CDH18: variants seen among roughly 807,000 people sequenced by gnomAD.
CDH18 encodes the protein cadherin-18.
Under a neutral mutation model 67.9 loss-of-function variants are expected in CDH18, and 31 were observed. The ratio of observed to expected loss-of-function variants is 0.46; its 90% CI spans 0.34 to 0.62. CDH18 has a LOEUF of 0.62. CDH18 is among the 20% of genes least tolerant of loss of function. The pLI is 0.01. For missense variants in CDH18, 890 were observed against 975.5 expected (o/e 0.91, Z 1.17); for synonymous variants, 362 against 347.2 (o/e 1.04, Z -0.48).
At chr5:20,284,735 T>C (rs539922468) in intron 1 of CDH18, among the ~76,000 whole-genome samples, 2 of 151,942 alleles carry the variant, frequency 1.3e-5, no homozygotes, top group Non-Finnish European at 2.9e-5. Context: ...TTAAAACTAA[T>C]ATTTTAAACC....
At chr5:19,567,834 C>G (rs1240860287) in intron 8 of CDH18, among the ~76,000 whole-genome samples, 3 of 152,020 alleles carry the variant, frequency 2.0e-5, no homozygotes, top group African/African-American at 7.2e-5. Flanking sequence ...CTTTGCATCC[C>G]AACAACCAGG....
intron 2 of CDH18, among the ~76,000 whole-genome samples, chr5:19,917,998 T>C (rs1251653859): frequency 6.6e-6 from 1 of 152,178 alleles, no homozygotes; most frequent in Non-Finnish European, 1.5e-5. Flanking sequence ...GTAACCTCTG[T>C]CTTCAGGAAC....
chr5:19,546,419 G>C (rs1200133271), intron 8 of CDH18, among the ~76,000 whole-genome samples: 1 of 152,046 alleles, frequency 6.6e-6, no homozygotes, highest in African/African-American at 2.4e-5. Context: ...TTGAAAAAGG[G>C]GACTATCAAA....
intron 12 of CDH18, among the ~76,000 whole-genome samples, chr5:19,482,208 C>G (rs1045687413): frequency 3.9e-5 from 6 of 152,122 alleles, no homozygotes; most frequent in Non-Finnish European, 7.4e-5. Context: ...CTCCGCCTCC[C>G]AGGTTCATGC....
At chr5:19,538,582 C>T (rs906896056) in intron 9 of CDH18, among the ~76,000 whole-genome samples, 3 of 152,038 alleles carry the variant, frequency 2.0e-5, no homozygotes, top group Non-Finnish European at 2.9e-5. Flanking sequence ...ACAAAATAAA[C>T]GTTAGTGAGC....
At chr5:20,106,373 C>A (rs1208219152) in intron 2 of CDH18, among the ~76,000 whole-genome samples, 1 of 152,316 alleles carries the variant, frequency 6.6e-6, no homozygotes, top group South Asian at 2.1e-4. Context: ...TAAATAATCA[C>A]TTCACTGATT....
chr5:20,555,974 A>T (rs1757883586), intron 1 of CDH18, among the ~76,000 whole-genome samples: 1 of 152,148 alleles, frequency 6.6e-6, no homozygotes, highest in Non-Finnish European at 1.5e-5. Flanking sequence ...TGCATAGAGT[A>T]CTAGCATTCA....
chr5:19,760,421 AG>A (rs1306848119), intron 3 of CDH18, among the ~76,000 whole-genome samples: 3 of 152,100 alleles, frequency 2.0e-5, no homozygotes, highest in African/African-American at 7.2e-5. Context: ...CTCTACAACC[AG>A]GAAAGATCAG....
intron 1 of CDH18, among the ~76,000 whole-genome samples, chr5:20,551,571 T>A (rs1009323330): frequency 2.9e-5 from 4 of 138,826 alleles, no homozygotes; most frequent in Non-Finnish European, 6.5e-5. Flanking sequence ...CTGATCTCTG[T>A]TAATCAATTG....
intron 2 of CDH18, among the ~76,000 whole-genome samples, chr5:20,156,744 G>A (rs1186988270): frequency 6.6e-6 from 1 of 152,120 alleles, no homozygotes; most frequent in Non-Finnish European, 1.5e-5. Flanking sequence ...GAGGGAGGAA[G>A]TACCACCAGA....
At chr5:19,691,112 G>A (rs576206044) in intron 5 of CDH18, among the ~76,000 whole-genome samples, 8 of 151,748 alleles carry the variant, frequency 5.3e-5, no homozygotes, top group Non-Finnish European at 1.0e-4. Flanking sequence ...TGCAAGCACC[G>A]ATTGTTTAAC....
chr5:20,496,601 A>G (rs556169021), intron 1 of CDH18, among the ~76,000 whole-genome samples: 2 of 152,176 alleles, frequency 1.3e-5, no homozygotes, highest in South Asian at 2.1e-4. Context: ...TAATGAGGAA[A>G]CAATGTGGGA....
chr5:20,344,864 G>A (rs750946533), intron 1 of CDH18, among the ~76,000 whole-genome samples: 2 of 152,068 alleles, frequency 1.3e-5, no homozygotes, highest in Non-Finnish European at 2.9e-5. Context: ...AACATATGGG[G>A]CCTATTGACA....
chr5:20,510,601 G>T (rs1396481452), intron 1 of CDH18, among the ~76,000 whole-genome samples: 1 of 151,862 alleles, frequency 6.6e-6, no homozygotes, highest in Non-Finnish European at 1.5e-5. Flanking sequence ...AAAAAATGTG[G>T]GATTCTATCA....
intron 2 of CDH18, among the ~76,000 whole-genome samples, chr5:20,119,988 A>G (rs1748220461): frequency 6.6e-6 from 1 of 152,144 alleles, no homozygotes; most frequent in African/African-American, 2.4e-5. Flanking sequence ...AAGCTTCATC[A>G]GTCCTCAACA....
At chr5:19,598,256 C>T (rs953855036) in intron 6 of CDH18, among the ~76,000 whole-genome samples, 4 of 152,084 alleles carry the variant, frequency 2.6e-5, no homozygotes, top group African/African-American at 7.2e-5. Flanking sequence ...TATATACACA[C>T]TCTAGAAAGG....
chr5:19,787,069 A>G (rs769560214), intron 3 of CDH18, among the ~76,000 whole-genome samples: 1 of 152,180 alleles, frequency 6.6e-6, no homozygotes, highest in African/African-American at 2.4e-5. Context: ...CCCGCTGAGA[A>G]GGTACCTCTA....
chr5:20,350,335 G>T (rs10046009), intron 1 of CDH18, among the ~76,000 whole-genome samples: 26,358 of 151,800 alleles, frequency 0.17, 2,513 homozygotes, highest in African/African-American at 0.22. Flanking sequence ...ATGTTTCAAT[G>T]GTTCATTTAA....
At chr5:20,442,846 CA>C (rs1440868150) in intron 1 of CDH18, among the ~76,000 whole-genome samples, 1 of 151,830 alleles carries the variant, frequency 6.6e-6, no homozygotes, top group Non-Finnish European at 1.5e-5. Context: ...TACAAATATT[CA>C]GATACAATGG....
Sources: gnomAD v4.1 joint callset for allele counts (sites outside exome capture counted in the v4.1 genomes callset) on GRCh38, gnomAD v4.1.1 for gene constraint, MANE v1.5 for transcripts, NCBI Gene and HGNC (gene_info 2026-07-23, HGNC 2026-07-21) for gene names.